ADGRA1: variants seen among roughly 807,000 people sequenced by gnomAD.
The protein encoded by ADGRA1 is adhesion G protein-coupled receptor A1, also known as G-protein coupled receptor 123.
ADGRA1 carries 12 observed loss-of-function variants against 21.3 expected under a neutral mutation model. The ratio of observed to expected loss-of-function variants is 0.56; its 90% CI spans 0.36 to 0.91. The LOEUF (loss-of-function observed/expected upper bound fraction) is 0.91. Among genes scored for constraint, ADGRA1 ranks in the 40% least tolerant of loss-of-function variants. The probability of loss-of-function intolerance (pLI) is 0.01; values close to 1 mark genes in which losing one functional copy is unlikely to be tolerated. For synonymous variants in ADGRA1, 385 were observed against 368.8 expected, an observed-to-expected ratio of 1.04 and a Z score of -0.50; for missense variants, 790 against 805.6, an observed-to-expected ratio of 0.98 and a Z score of 0.23.
chr10:133,123,627 A>G (rs1180508801), intron 5 of ADGRA1, among the ~76,000 whole-genome samples: 1 of 152,120 alleles, frequency 6.6e-6, no homozygotes, highest in Non-Finnish European at 1.5e-5. Flanking sequence ...AAAGCAACTC[A>G]GGGGGATCAT....
chr10:133,120,958 C>A (rs554995586), intron 5 of ADGRA1, among the ~76,000 whole-genome samples: 1 of 152,210 alleles, frequency 6.6e-6, no homozygotes, highest in South Asian at 2.1e-4. Context: ...CACTTAGAGG[C>A]CATTGTAGGG....
chr10:133,104,074 C>T (rs962136929), intron 5 of ADGRA1, among the ~76,000 whole-genome samples: 3 of 152,228 alleles, frequency 2.0e-5, no homozygotes, highest in Non-Finnish European at 2.9e-5. Context: ...AAGGGCTGTC[C>T]GGCACTGTCC....
intron 5 of ADGRA1, among the ~76,000 whole-genome samples, chr10:133,119,531 C>A (rs1852218486): frequency 6.6e-6 from 1 of 152,250 alleles, no homozygotes; most frequent in Non-Finnish European, 1.5e-5. Context: ...GTCATCCTCT[C>A]AAACTCTGCC....
In ADGRA1 at chr10:133,098,672, C is replaced by T. The variant is rs768712204; in HGVS notation, c.164C>T (p.Thr55Met). The change falls in exon 4 of 7, where the codon ACG (threonine) becomes ATG (methionine). Residue 55 changes from threonine to methionine, a missense_variant. Around this residue, in one of 3 missense-constraint regions of ADGRA1, gnomAD observed 382 missense variants for 415.6 expected, o/e 0.92. Coordinates refer to ENST00000392607, the MANE Select transcript of ADGRA1 (RefSeq NM_001083909.3). The stretch of plus-strand genomic sequence containing the variant: ...CGCATCAGCCGCAAGGGCCGGCACA[C>T]GCTCCTGAATTTCTGCTTCCACGCG... ...AIRISRKGRH[T>M]LLNFCFHAAL... 4.7e-5 allele frequency: 75 copies of T among 1,611,030 alleles called. No homozygotes were observed. Among genetic ancestry groups the T allele is most frequent in the Middle Eastern group, 1.6e-4 (1 of 6,074 alleles).
At chr10:133,123,752 C>G (rs1370264961) in intron 5 of ADGRA1, among the ~76,000 whole-genome samples, 1 of 151,794 alleles carries the variant, frequency 6.6e-6, no homozygotes, top group Non-Finnish European at 1.5e-5. Context: ...CCTCGGCCAC[C>G]GTCACTCCTG....
intron 2 of ADGRA1, among the ~76,000 whole-genome samples, chr10:133,096,333 T>A (rs972272930): frequency 2.0e-5 from 3 of 152,152 alleles, no homozygotes; most frequent in Admixed American, 1.3e-4. Flanking sequence ...CTGGGTCGAT[T>A]TTCCCCCAGT....
intron 5 of ADGRA1, among the ~76,000 whole-genome samples, chr10:133,119,134 GCA>G (rs1186082731): frequency 3.9e-5 from 6 of 152,158 alleles, no homozygotes; most frequent in Admixed American, 3.9e-4. Context: ...CCCACATGGA[GCA>G]CAGCTCAAGT....
At chr10:133,114,109 A>G (rs1852112144) in intron 5 of ADGRA1, among the ~76,000 whole-genome samples, 1 of 152,204 alleles carries the variant, frequency 6.6e-6, no homozygotes, top group Non-Finnish European at 1.5e-5. Context: ...AGGAGGTGCC[A>G]CGTGGTACAA....
intron 5 of ADGRA1, among the ~76,000 whole-genome samples, chr10:133,116,102 C>G (rs1852152464): frequency 6.6e-6 from 1 of 152,080 alleles, no homozygotes; most frequent in Non-Finnish European, 1.5e-5. Context: ...CTGGCCCACC[C>G]ACGCCGCTCT....
At chr10:133,097,846 A>G (rs1489389243) in intron 3 of ADGRA1, among the ~76,000 whole-genome samples, 2 of 152,140 alleles carry the variant, frequency 1.3e-5, no homozygotes, top group African/African-American at 2.4e-5. Context: ...GACGGCACCC[A>G]CTGCCTGTGT....
At chr10:133,120,568 C>A (rs1852236018) in intron 5 of ADGRA1, among the ~76,000 whole-genome samples, 2 of 152,190 alleles carry the variant, frequency 1.3e-5, no homozygotes, top group South Asian at 4.1e-4. Context: ...ACTTCATGAA[C>A]CGACTTCTGC....
At chr10:133,100,843 C>T (rs185065586) in intron 4 of ADGRA1, among the ~76,000 whole-genome samples, 21 of 152,282 alleles carry the variant, frequency 1.4e-4, no homozygotes, top group Admixed American at 5.9e-4. Flanking sequence ...GAAAATGAAC[C>T]GTGGGAGCAT....
At chr10:133,099,818 C>A (rs1426407448) in intron 4 of ADGRA1, among the ~76,000 whole-genome samples, 1 of 152,252 alleles carries the variant, frequency 6.6e-6, no homozygotes, top group Non-Finnish European at 1.5e-5. Flanking sequence ...GGGGCTGCCA[C>A]GGACTGCAGG....
At chr10:133,111,882 G>A (rs1199750505) in intron 5 of ADGRA1, among the ~76,000 whole-genome samples, 1 of 121,398 alleles carries the variant, frequency 8.2e-6, no homozygotes, top group African/African-American at 3.1e-5. Flanking sequence ...CAGACCACCT[G>A]CCCACCACAG....
At position 133,097,007 on chromosome 10, in the gene ADGRA1, C is replaced by T; in HGVS notation, c.37C>T (p.Pro13Ser). Residue 13 changes from proline (P) to serine (S), a missense_variant, in exon 3 of 7, where the codon CCA (proline) becomes TCA (serine). Transcript: ENST00000392607. Reference sequence around the variant, plus strand: ...GACAGTGCTCTCCCTGCCCCGCTACCCAGGGGAGTTCCTGCACCCCGTGGT... The same window carrying T: ...GACAGTGCTCTCCCTGCCCCGCTACTCAGGGGAGTTCCTGCACCCCGTGGT... ...LKTVLSLPRYPGEFLHPVVYA... is the reference protein window; with the variant it reads ...LKTVLSLPRYSGEFLHPVVYA... The T allele has an allele frequency of 1.2e-6, 2 of 1,613,578 alleles. No individual in the cohort carries two copies. The highest frequency in any genetic ancestry group is 1.7e-6 in the Non-Finnish European group (2 of 1,179,966).
chr10:133,097,094 C>T lies in ADGRA1; in HGVS notation c.124C>T (p.His42Tyr). ...LLASFVTYIV[H>Y]QSAIRISRKG... ...GGCCTCCTTCGTCACCTACATCGTG[C>T]ACCAGAGGTGAGCCTGGCATGGGCA... The change falls in exon 3 of 7, where the codon CAC becomes TAC. Residue 42 changes from histidine to tyrosine, a missense_variant. His to Tyr is a moderately conservative substitution (Grantham distance 83). This residue lies in a region of ADGRA1 where 382 missense variants were observed against 415.6 expected (regional missense o/e 0.92). Coordinates refer to ENST00000392607, the MANE Select transcript of ADGRA1 (RefSeq NM_001083909.3). 1 of 1,605,582 alleles carries T rather than the reference C, an allele frequency of 6.2e-7. No homozygotes were observed. Among genetic ancestry groups the T allele is most frequent in the Non-Finnish European group, 8.5e-7 (1 of 1,179,962 alleles).
Position 133,128,593 on chromosome 10 carries a change from G to A in ADGRA1, c.765G>A (p.Gln255=), listed in dbSNP as rs1852432945. ...AGAACGAGCACTCATTCCAGGCACA[G>A]CTGCGCGCCGCCGCCTTCACGCTGT... ...VLQNEHSFQA[Q]LRAAAFTLFL... Residue 255 remains glutamine, a synonymous_variant, in exon 7 of 7, where the codon CAG becomes CAA. Coordinates refer to ENST00000392607, the MANE Select transcript of ADGRA1 (RefSeq NM_001083909.3). 6 of 1,592,354 alleles carry A rather than the reference G, an allele frequency of 3.8e-6. No individual in the cohort carries two copies. Among genetic ancestry groups the A allele is most frequent in the South Asian group, 1.1e-5 (1 of 88,760 alleles).
chr10:133,110,120 C>T (rs1851960720), intron 5 of ADGRA1, among the ~76,000 whole-genome samples: 1 of 152,254 alleles, frequency 6.6e-6, no homozygotes, highest in Admixed American at 6.5e-5. Context: ...CCAGCAGGGT[C>T]CAAGACTCCA....
rs375229764 is a variant in ADGRA1, at chr10:133,093,620, G to A, written c.4-3354G>A. ...GGGCACAGAACCAAGCTGGCATTCC[G>A]GCCATTTCATCTGGGCCAAGAAGGT... On this transcript the variant is annotated intron_variant, in intron 2 of 6. Transcript: ENST00000392607. Among the ~76,000 whole-genome samples, 33 of 152,314 alleles carry A rather than the reference G, an allele frequency of 2.2e-4. No homozygotes were observed. In the East Asian group the frequency reaches 5.4e-3, roughly 25 times the overall value.
Sources: allele counts gnomAD v4.1 joint callset (sites outside exome capture counted in the v4.1 genomes callset), GRCh38; gene constraint gnomAD v4.1.1; regional missense constraint gnomAD v4.1.1; transcripts MANE v1.5; gene names NCBI Gene and HGNC (gene_info 2026-07-23, HGNC 2026-07-21).